The following RASA3 variants were observed in gnomAD, a reference collection of about 807,000 sequenced individuals.
RASA3 encodes the protein RAS p21 protein activator 3.
In RASA3, 73 loss-of-function variants were observed where a neutral mutation model predicts 110.0. The ratio of observed to expected loss-of-function variants is 0.66; its 90% CI spans 0.55 to 0.81. The LOEUF is 0.81. Ranked by LOEUF, RASA3 falls within the 30% of genes least tolerant of loss-of-function variation. The pLI, the probability that RASA3 is intolerant of heterozygous loss-of-function variation, is 0.00. For missense variants in RASA3, 976 were observed against 1,113.2 expected (o/e 0.88, Z 1.75); for synonymous variants, 500 against 451.4 (o/e 1.11, Z -1.37).
intron 2 of RASA3, among the ~76,000 whole-genome samples, chr13:114,068,236 C>T (rs877426): frequency 0.34 from 51,576 of 152,100 alleles, 9,264 homozygotes; most frequent in East Asian, 0.5. Flanking sequence ...GCCAGGGCTC[C>T]GCGTGGGGCA....
chr13:114,092,234 G>C (rs924052468), intron 1 of RASA3, among the ~76,000 whole-genome samples: 1 of 152,004 alleles, frequency 6.6e-6, no homozygotes, highest in African/African-American at 2.4e-5. Context: ...TGATTTTCCA[G>C]TTCCTTGTGG....
intron 1 of RASA3, among the ~76,000 whole-genome samples, chr13:114,104,997 C>A (rs2080115210): frequency 6.6e-6 from 1 of 152,074 alleles, no homozygotes; most frequent in Admixed American, 6.5e-5. Context: ...AGGCTCTCGG[C>A]CCCCCGAGCC....
intron 3 of RASA3, among the ~76,000 whole-genome samples, chr13:114,043,543 G>T (rs1391149593): frequency 6.6e-6 from 1 of 152,128 alleles, no homozygotes; most frequent in African/African-American, 2.4e-5. Flanking sequence ...GGGTTCCTAA[G>T]ATCAGCCTGG....
In RASA3 at chr13:114,018,784, C is replaced by T; in HGVS notation, c.921G>A (p.Leu307=). The stretch of plus-strand genomic sequence containing the variant: ...GCACCTCCACATCCGCAGACTTCAA[C>T]AGCAGGTCCCGCAGAGGGCTGTAAT... ...SDYYSPLRDL[L]LKSADVEPVS... The change falls in exon 10 of 24, where the codon CTG becomes CTA. Residue 307 remains leucine (L), a synonymous_variant. Transcript: ENST00000334062. 6.2e-7 allele frequency: 1 copy of T among 1,613,466 alleles called. No individual in the cohort carries two copies. The highest frequency in any genetic ancestry group is 8.5e-7 in the Non-Finnish European group (1 of 1,179,948).
intron 1 of RASA3, among the ~76,000 whole-genome samples, chr13:114,113,498 C>G (rs1464098263): frequency 6.6e-6 from 1 of 152,258 alleles, no homozygotes; most frequent in South Asian, 2.1e-4. Context: ...ACAAATGCTA[C>G]CCGGGAATGT....
At chr13:114,064,830 C>A (rs2079418355) in intron 2 of RASA3, among the ~76,000 whole-genome samples, 1 of 152,260 alleles carries the variant, frequency 6.6e-6, no homozygotes, top group South Asian at 2.1e-4. Flanking sequence ...CAGGCGGCCC[C>A]CACTCACCGC....
chr13:114,130,208 T>C (rs1165794035), intron 1 of RASA3, among the ~76,000 whole-genome samples: 5 of 152,092 alleles, frequency 3.3e-5, no homozygotes, highest in African/African-American at 1.2e-4. Context: ...AGGTGCCCTG[T>C]CTCCCCAGCT....
At chr13:114,024,636 C>T (rs1481553223) in intron 7 of RASA3, among the ~76,000 whole-genome samples, 2 of 152,266 alleles carry the variant, frequency 1.3e-5, no homozygotes, top group African/African-American at 4.8e-5. Context: ...TGATGGGTGC[C>T]GGGCTCTGGG....
chr13:114,061,077 G>A (rs73567382), intron 2 of RASA3, among the ~76,000 whole-genome samples: 1,839 of 152,106 alleles, frequency 0.012, 34 homozygotes, highest in African/African-American at 0.042. Flanking sequence ...TTCTTCCCGA[G>A]ACCTCGCACA....
intron 2 of RASA3, among the ~76,000 whole-genome samples, chr13:114,067,084 G>A (rs1001356699): frequency 2.0e-5 from 3 of 149,544 alleles, no homozygotes; most frequent in Non-Finnish European, 4.5e-5. Flanking sequence ...CCCCCAACCT[G>A]GGCTGAGGAT....
chr13:114,032,216 G>A (rs1056299634), intron 4 of RASA3, among the ~76,000 whole-genome samples: 5 of 152,008 alleles, frequency 3.3e-5, no homozygotes, highest in African/African-American at 7.2e-5. Context: ...TCACAGGCCC[G>A]AACCCTGAAC....
At chr13:114,033,432 C>CT (rs1361646599) in intron 4 of RASA3, among the ~76,000 whole-genome samples, 6 of 112,038 alleles carry the variant, frequency 5.4e-5, no homozygotes, top group Non-Finnish European at 3.7e-5. Context: ...CACCCCCACA[C>CT]TGACACCACG....
chr13:113,981,904 CG>C (rs1212162475), intron 22 of RASA3, 46 bp from the exon 23 acceptor site: 4 of 1,568,706 alleles, frequency 2.5e-6, no homozygotes, highest in Admixed American at 1.7e-5. Context: ...CCCAGGCCAC[CG>C]GCCCCGTCTC....
At chr13:114,029,090 G>GT (rs2054093899) in intron 5 of RASA3, among the ~76,000 whole-genome samples, 2 of 18,756 alleles carry the variant, frequency 1.1e-4, no homozygotes, top group Non-Finnish European at 1.7e-4. Flanking sequence ...CATCATCCTG[G>GT]GGGCCAGGAC....
intron 1 of RASA3, among the ~76,000 whole-genome samples, chr13:114,088,773 C>T (rs2079852945): frequency 6.6e-6 from 1 of 152,172 alleles, no homozygotes; most frequent in Non-Finnish European, 1.5e-5. Context: ...TGGTCTTGAA[C>T]TCCCGACCTC....
At position 113,996,836 on chromosome 13, in the gene RASA3, G is replaced by C. The variant is rs564375106; in HGVS notation, c.1933-97C>G. ...GCACCTGGCCGTCCTCGCCGGAGTC[G>C]TAAGAGGGGACGCTGAGGGTGCACA... On this transcript the variant is annotated intron_variant, in intron 20 of 23. Transcript: ENST00000334062. 3.7e-4 allele frequency: 414 copies of C among 1,115,940 alleles called. 1 individual carries two copies. The highest frequency in any genetic ancestry group is 5.3e-4 in the South Asian group (38 of 71,724). 69.1% of individuals were successfully genotyped at this position (1,115,940 alleles called of 1,614,324 possible).
intron 22 of RASA3, among the ~76,000 whole-genome samples, chr13:113,989,631 C>A (rs1339620294): frequency 6.6e-6 from 1 of 151,548 alleles, no homozygotes; most frequent in African/African-American, 2.4e-5. Flanking sequence ...TCCATCCATC[C>A]ATCACTCACC....
At chr13:114,058,416 T>G (rs1488633754) in intron 2 of RASA3, among the ~76,000 whole-genome samples, 2 of 152,206 alleles carry the variant, frequency 1.3e-5, no homozygotes. Context: ...AGAATTCAGC[T>G]CCTCGGGTGC....
chr13:114,106,012 G>A (rs754591663), intron 1 of RASA3, among the ~76,000 whole-genome samples: 27 of 152,166 alleles, frequency 1.8e-4, no homozygotes, highest in Non-Finnish European at 2.2e-4. Flanking sequence ...CTGGGGCCAC[G>A]GCAGGAAATC....
Sources: allele counts gnomAD v4.1 joint callset (sites outside exome capture counted in the v4.1 genomes callset), GRCh38; gene constraint gnomAD v4.1.1; transcripts MANE v1.5; gene names NCBI Gene and HGNC (gene_info 2026-07-23, HGNC 2026-07-21).